The following DSCAML1 variants were observed in gnomAD, a reference collection of about 807,000 sequenced individuals.
The protein encoded by DSCAML1 is DS cell adhesion molecule like 1.
Under a neutral mutation model 200.5 loss-of-function variants are expected in DSCAML1, and 38 were observed. The observed-to-expected ratio is 0.19, with a 90% confidence interval of 0.15 to 0.25. The LOEUF (loss-of-function observed/expected upper bound fraction) is 0.25, where lower values mean the gene tolerates loss of function less well. Among genes scored for constraint, DSCAML1 ranks in the 10% least tolerant of loss-of-function variants. The pLI is 1.00. For missense variants in DSCAML1, 2,223 were observed against 2,858.8 expected (o/e 0.78, Z 5.07); for synonymous variants, 1,215 against 1,165.0 (o/e 1.04, Z -0.87).
At chr11:117,735,809 C>T (rs1235535072) in intron 3 of DSCAML1, among the ~76,000 whole-genome samples, 1 of 152,208 alleles carries the variant, frequency 6.6e-6, no homozygotes, top group Admixed American at 6.5e-5. Context: ...TGCACCCTGG[C>T]TTCCCCCAAG....
At chr11:117,757,620 A>ACAC (rs1565266292) in intron 3 of DSCAML1, among the ~76,000 whole-genome samples, 2 of 139,288 alleles carry the variant, frequency 1.4e-5, no homozygotes, top group South Asian at 2.3e-4. Context: ...ACACACACAC[A>ACAC]ATTATTTTTC....
chr11:117,655,318 A>G (rs575311667), intron 3 of DSCAML1, among the ~76,000 whole-genome samples: 40 of 152,354 alleles, frequency 2.6e-4, no homozygotes, highest in Non-Finnish European at 2.6e-4. Context: ...AATAATGACA[A>G]TGGTCATCAC....
intron 6 of DSCAML1, among the ~76,000 whole-genome samples, chr11:117,520,351 T>G (rs1382872099): frequency 6.6e-6 from 1 of 151,788 alleles, no homozygotes; most frequent in African/African-American, 2.4e-5. Context: ...AACAAACAGG[T>G]AAAAACCCAG....
At chr11:117,697,779 T>C (rs2053608528) in intron 3 of DSCAML1, among the ~76,000 whole-genome samples, 1 of 151,892 alleles carries the variant, frequency 6.6e-6, no homozygotes, top group Non-Finnish European at 1.5e-5. Context: ...TTTCCTTTTT[T>C]TTTTTTTTTT....
At position 117,524,768 on chromosome 11, in the gene DSCAML1, G is replaced by C. The variant is rs1326074847; in HGVS notation, c.937+37C>G. Reference sequence around the variant, plus strand: ...CCCCGACCCCTGAGGCGCCCTCAGAGGTTACTGGGGCTGCAGAAGGGGCTT... The same window carrying C: ...CCCCGACCCCTGAGGCGCCCTCAGACGTTACTGGGGCTGCAGAAGGGGCTT... On this transcript the variant is annotated intron_variant, in intron 5 of 32. Transcript: ENST00000651296. 5 of 1,550,208 alleles carry C rather than the reference G, an allele frequency of 3.2e-6. No homozygotes were observed. The East Asian group carries it at 9.7e-5, about 30-fold the overall frequency.
Position 117,463,125 on chromosome 11 carries a change from C to T in DSCAML1, c.3266-1529G>A, listed in dbSNP as rs941648951. Among the ~76,000 whole-genome samples the T allele has an allele frequency of 5.3e-5, 8 of 152,330 alleles. No individual in the cohort carries two copies. The highest frequency in any genetic ancestry group is 2.1e-4 in the South Asian group (1 of 4,824). On this transcript the variant is annotated intron_variant, in intron 17 of 32. Transcript: ENST00000651296. The surrounding 1 kb of genome is among the most constrained non-coding windows in gnomAD (Gnocchi z 4.0). ...GCCTCCTGCATCTGCGTCACTTGTT[C>T]GTGCATCCAGCCTTGCTCCCAAGCA... is the stretch of plus-strand genomic sequence containing the variant.
intron 3 of DSCAML1, among the ~76,000 whole-genome samples, chr11:117,548,129 C>T (rs560456708): frequency 1.5e-4 from 23 of 152,304 alleles, no homozygotes; most frequent in Non-Finnish European, 2.5e-4. Flanking sequence ...TCCCAGCGGC[C>T]GCTGTCGCCC....
chr11:117,815,990 G>A (rs559273751), intron 1 of DSCAML1, among the ~76,000 whole-genome samples: 1 of 152,122 alleles, frequency 6.6e-6, no homozygotes, highest in South Asian at 2.1e-4. Context: ...TAGGCATGAG[G>A]TCCCTCCACA....
intron 3 of DSCAML1, among the ~76,000 whole-genome samples, chr11:117,736,363 G>C (rs2054315821): frequency 6.6e-6 from 1 of 152,220 alleles, no homozygotes; most frequent in Non-Finnish European, 1.5e-5. Flanking sequence ...CCTGATGGCA[G>C]CTTCCCCAAA....
At chr11:117,496,449 G>A (rs903384387) in intron 11 of DSCAML1, among the ~76,000 whole-genome samples, 51 of 152,164 alleles carry the variant, frequency 3.4e-4, no homozygotes, top group Admixed American at 3.1e-3. Context: ...GCACTGCTAA[G>A]CTCTGTGCCT....
chr11:117,438,324 G>A (rs1017627201), intron 24 of DSCAML1, among the ~76,000 whole-genome samples: 1 of 152,208 alleles, frequency 6.6e-6, no homozygotes, highest in Admixed American at 6.5e-5. Flanking sequence ...CCCCCGGCGG[G>A]TCTGACGCTG....
At chr11:117,625,870 G>A (rs1251732426) in intron 3 of DSCAML1, among the ~76,000 whole-genome samples, 1 of 152,194 alleles carries the variant, frequency 6.6e-6, no homozygotes, top group Non-Finnish European at 1.5e-5. Context: ...TGCCATCAAT[G>A]TCCCCTATCA....
At chr11:117,544,073 A>G (rs1172263373) in intron 3 of DSCAML1, among the ~76,000 whole-genome samples, 4 of 152,140 alleles carry the variant, frequency 2.6e-5, no homozygotes, top group African/African-American at 7.2e-5. Flanking sequence ...GAGGCTTTGC[A>G]TTGAGACCAG....
intron 3 of DSCAML1, among the ~76,000 whole-genome samples, chr11:117,740,755 G>T (rs1384650796): frequency 6.6e-6 from 1 of 152,178 alleles, no homozygotes. Flanking sequence ...TAACTCCAAG[G>T]TTACATATTT....
chr11:117,591,478 A>G (rs1429062053), intron 3 of DSCAML1, among the ~76,000 whole-genome samples: 1 of 152,182 alleles, frequency 6.6e-6, no homozygotes, highest in Admixed American at 6.5e-5. Context: ...GTCACAATGC[A>G]TTTACTGTAT....
At position 117,428,508 on chromosome 11, in the gene DSCAML1, C is replaced by T; in HGVS notation, c.5982G>A (p.Glu1994=). The change falls in exon 33 of 33, where the codon GAG becomes GAA. Residue 1994 remains glutamate (E), a synonymous_variant. Transcript: ENST00000651296. ...APPAPGPTPA[E]PPTAPSAAPP... ...GGGCAGCGCTGGGGGCGGTGGGTGG[C>T]TCAGCAGGGGTGGGGCCGGGGGCTG... 3 of 1,498,476 alleles carry T rather than the reference C, an allele frequency of 2.0e-6. No homozygotes were observed. The highest frequency in any genetic ancestry group is 2.4e-4 in the Middle Eastern group (1 of 4,212). 92.8% of individuals were successfully genotyped at this position (1,498,476 alleles called of 1,614,324 possible).
Position 117,521,296 on chromosome 11 carries a change from A to G in DSCAML1, c.1047T>C (p.Tyr349=), listed in dbSNP as rs2049882760. 6.2e-7 allele frequency: 1 copy of G among 1,614,210 alleles called. No individual in the cohort carries two copies. Among genetic ancestry groups the G allele is most frequent in the South Asian group, 1.1e-5 (1 of 91,088 alleles). The change falls in exon 6 of 33, where the codon TAT becomes TAC. Residue 349 remains tyrosine, a synonymous_variant. Transcript: ENST00000651296. ...TGSPEFTIRW[Y]RNTELVLPDE... ...CAGGCAGCACCAGCTCCGTGTTGCG[A>G]TACCAGCGGATGGTGAACTCTGGGG...
rs1303421183 is a variant in DSCAML1 at position 117,751,606 on chromosome 11, C to T, written c.511+25185G>A. 6.6e-5 allele frequency among the ~76,000 whole-genome samples: 10 copies of T among 152,168 alleles called. No individual in the cohort carries two copies. The East Asian group carries it at 7.7e-4, about 12-fold the overall frequency. On this transcript the variant is annotated intron_variant, in intron 3 of 32. Coordinates refer to ENST00000651296, the MANE Select transcript of DSCAML1 (RefSeq NM_020693.4). ...GAAGCCTTGGGCGAGCAGAGGAAAG[C>T]GCTCATCTTTCAGTGATGCTCTTAG...
intron 30 of DSCAML1, among the ~76,000 whole-genome samples, 165 bp downstream of exon 30, chr11:117,432,187 A>G (rs2047814767): frequency 1.3e-5 from 2 of 152,126 alleles, no homozygotes; most frequent in Admixed American, 6.5e-5. Flanking sequence ...CAGTTAGTAA[A>G]TCTGCAGTTG....
Sources: allele counts gnomAD v4.1 joint callset (sites outside exome capture counted in the v4.1 genomes callset), GRCh38; gene constraint gnomAD v4.1.1; non-coding constraint Gnocchi (gnomAD v3.1); transcripts MANE v1.5; gene names NCBI Gene and HGNC (gene_info 2026-07-23, HGNC 2026-07-21).